The following KCNIP4 variants were observed in gnomAD, a reference collection of about 807,000 sequenced individuals.
KCNIP4 encodes potassium voltage-gated channel interacting protein 4, also known as Kv channel-interacting protein 4.
KCNIP4 carries 12 observed loss-of-function variants against 34.0 expected under a neutral mutation model. The observed-to-expected ratio is 0.35, with a 90% confidence interval of 0.23 to 0.57. KCNIP4 has a LOEUF of 0.57. Ranked by LOEUF, KCNIP4 falls within the 20% of genes least tolerant of loss-of-function variation. The pLI, the probability that KCNIP4 is intolerant of heterozygous loss-of-function variation, is 0.83. For synonymous variants in KCNIP4, 124 were observed against 102.2 expected (o/e 1.21, Z -1.29); for missense variants, 238 against 311.7 (o/e 0.76, Z 1.78).
chr4:21,257,039 C>A (rs1761105942), intron 1 of KCNIP4, among the ~76,000 whole-genome samples: 1 of 152,188 alleles, frequency 6.6e-6, no homozygotes. Flanking sequence ...CAGTGCCTGA[C>A]ACACAGTAGG....
intron 1 of KCNIP4, among the ~76,000 whole-genome samples, chr4:21,872,636 A>T (rs1725883329): frequency 6.6e-6 from 1 of 152,180 alleles, no homozygotes; most frequent in South Asian, 2.1e-4. Flanking sequence ...CTTAAGAAGG[A>T]ATAGATAATA....
chr4:21,299,573 A>G (rs1764041642), intron 1 of KCNIP4, among the ~76,000 whole-genome samples: 8 of 152,152 alleles, frequency 5.3e-5, no homozygotes, highest in Admixed American at 5.2e-4. Context: ...CTTCTCTGAT[A>G]CCCCAAAACA....
chr4:21,170,875 A>T (rs12647089), intron 1 of KCNIP4, among the ~76,000 whole-genome samples: 34,108 of 151,904 alleles, frequency 0.22, 4,561 homozygotes, highest in Non-Finnish European at 0.3. Context: ...TTTTTCTTTA[A>T]CTCCTTGCAT....
intron 1 of KCNIP4, among the ~76,000 whole-genome samples, chr4:21,359,323 A>G (rs1346870800): frequency 6.6e-6 from 1 of 152,046 alleles, no homozygotes; most frequent in Non-Finnish European, 1.5e-5. Context: ...TTGGCATCCT[A>G]GACTCTCTAG....
At chr4:20,851,432 A>T (rs1490254573) in intron 2 of KCNIP4, among the ~76,000 whole-genome samples, 1 of 152,168 alleles carries the variant, frequency 6.6e-6, no homozygotes, top group Non-Finnish European at 1.5e-5. Context: ...CCAGTCTATC[A>T]TTGGTGGGCG....
At chr4:20,838,680 T>C (rs539351038) in intron 3 of KCNIP4, among the ~76,000 whole-genome samples, 14 of 152,264 alleles carry the variant, frequency 9.2e-5, no homozygotes, top group Admixed American at 7.2e-4. Flanking sequence ...AGGATATAGA[T>C]GGTAGCAAGG....
chr4:20,802,143 C>T lies in KCNIP4; in HGVS notation c.289-43253G>A, dbSNP rs1229290287. 2.9e-5 allele frequency among the ~76,000 whole-genome samples: 4 copies of T among 138,822 alleles called. No individual in the cohort carries two copies. The South Asian group carries it at 9.2e-4, about 32-fold the overall frequency. 91.1% of individuals were successfully genotyped at this position (138,822 alleles called of 152,430 possible). On this transcript the variant is annotated intron_variant, in intron 3 of 8. Transcript: ENST00000382152. ...ATATGCTATATATATGCTATATATG[C>T]TATATATATGCTATATATATGCTAT...
intron 1 of KCNIP4, among the ~76,000 whole-genome samples, chr4:21,578,332 CAAAAAAAAAAAA>C (rs71191522): frequency 1.3e-5 from 1 of 75,126 alleles, no homozygotes; most frequent in Admixed American, 1.7e-4. Context: ...GACTCCGTCT[CAAAAAAAAAAAA>C]AAAAAAAAAA....
intron 1 of KCNIP4, among the ~76,000 whole-genome samples, chr4:21,234,159 C>T (rs1340855617): frequency 3.8e-5 from 3 of 78,288 alleles, no homozygotes; most frequent in Admixed American, 1.5e-4. Context: ...ACATATATAA[C>T]GTATATTATA....
chr4:21,811,827 G>C (rs566185209), intron 1 of KCNIP4, among the ~76,000 whole-genome samples: 1 of 152,318 alleles, frequency 6.6e-6, no homozygotes, highest in African/African-American at 2.4e-5. Flanking sequence ...TTCCAAGAAA[G>C]CTGCAAAATG....
At chr4:21,462,036 C>A (rs1031978842) in intron 1 of KCNIP4, among the ~76,000 whole-genome samples, 4 of 152,002 alleles carry the variant, frequency 2.6e-5, no homozygotes, top group Non-Finnish European at 1.5e-5. Flanking sequence ...CTTATCATTT[C>A]TTTGTGGTAA....
At chr4:20,898,243 A>G (rs1726773981) in intron 1 of KCNIP4, among the ~76,000 whole-genome samples, 1 of 152,084 alleles carries the variant, frequency 6.6e-6, no homozygotes, top group African/African-American at 2.4e-5. Context: ...GTGGCCTCTC[A>G]TGGGACTTTT....
intron 1 of KCNIP4, among the ~76,000 whole-genome samples, chr4:21,041,605 G>T (rs181781545): frequency 1.3e-5 from 2 of 152,258 alleles, no homozygotes; most frequent in African/African-American, 4.8e-5. Flanking sequence ...CACTTTCTTT[G>T]TTCTGTTTGT....
chr4:20,967,936 T>C (rs190339053), intron 1 of KCNIP4, among the ~76,000 whole-genome samples: 76 of 152,266 alleles, frequency 5.0e-4, no homozygotes, highest in Non-Finnish European at 3.8e-4. Flanking sequence ...AAATGGGATC[T>C]AATTAAACTA....
At chr4:21,833,825 C>G (rs1191333995) in intron 1 of KCNIP4, among the ~76,000 whole-genome samples, 1 of 152,140 alleles carries the variant, frequency 6.6e-6, no homozygotes, top group Admixed American at 6.6e-5. Context: ...GCCAGTTTTC[C>G]CAGCACCATT....
intron 1 of KCNIP4, among the ~76,000 whole-genome samples, chr4:21,268,716 T>A (rs2109126847): frequency 6.6e-6 from 1 of 152,320 alleles, no homozygotes; most frequent in South Asian, 2.1e-4. Flanking sequence ...TCACCAATAT[T>A]TTCCAAACAC....
intron 1 of KCNIP4, among the ~76,000 whole-genome samples, chr4:20,961,932 T>C (rs996957999): frequency 1.3e-5 from 2 of 152,186 alleles, no homozygotes; most frequent in African/African-American, 4.8e-5. Context: ...TTACTGGAGA[T>C]TATCAAGAGG....
rs1299172371 is a variant in KCNIP4, at chr4:21,338,822, C to T, written c.62-456113G>A. ...CTAACACCCTTCTCTGATTCTGCCA[C>T]TCAGATTCTTTTTCTTCATCACTTA... On this transcript the variant is annotated intron_variant, in intron 1 of 8. Transcript: ENST00000382152. 3.3e-5 allele frequency among the ~76,000 whole-genome samples: 5 copies of T among 152,148 alleles called. No individual in the cohort carries two copies. The East Asian group carries it at 9.6e-4, about 29-fold the overall frequency.
chr4:21,511,825 T>G (rs1299541655), intron 1 of KCNIP4, among the ~76,000 whole-genome samples: 1 of 152,190 alleles, frequency 6.6e-6, no homozygotes, highest in African/African-American at 2.4e-5. Flanking sequence ...TTCTATTTTC[T>G]TTTTATATAT....
Sources: allele counts gnomAD v4.1 joint callset (sites outside exome capture counted in the v4.1 genomes callset), GRCh38; gene constraint gnomAD v4.1.1; transcripts MANE v1.5; gene names NCBI Gene and HGNC (gene_info 2026-07-23, HGNC 2026-07-21).